ANGPT4: variants seen among roughly 807,000 people sequenced by gnomAD.
The protein encoded by ANGPT4 is angiopoietin 4.
Under a neutral mutation model 53.0 loss-of-function variants are expected in ANGPT4, and 50 were observed. The observed-to-expected ratio is 0.94, with a 90% CI of 0.75 to 1.20. ANGPT4 has a LOEUF of 1.20. ANGPT4 is among the 50% of genes most tolerant of loss of function. The probability of loss-of-function intolerance (pLI) is 0.00; values close to 1 mark genes in which losing one functional copy is unlikely to be tolerated. For missense variants in ANGPT4, 648 were observed against 637.1 expected (o/e 1.02, Z -0.18); for synonymous variants, 251 against 259.7 (o/e 0.97, Z 0.32).
In ANGPT4 at chr20:916,017, G is replaced by T. The variant is rs1238760618; in HGVS notation, c.198C>A (p.Asn66Lys). 1 of 1,614,092 alleles carries T rather than the reference G, an allele frequency of 6.2e-7. No individual in the cohort carries two copies. Among genetic ancestry groups the T allele is most frequent in the Admixed American group, 1.7e-5 (1 of 60,010 alleles). Residue 66 changes from asparagine (N) to lysine (K), a missense_variant, in exon 1 of 9, where the codon AAC becomes AAA. Coordinates refer to ENST00000381922, the MANE Select transcript of ANGPT4 (RefSeq NM_015985.4). ...TGGCCAGTGATTCTCTCTGGAGGGTGTTGGAGTCCCTGGAGACCTCAGGCC... is the reference window on the plus strand; with the variant it reads ...TGGCCAGTGATTCTCTCTGGAGGGTTTTGGAGTCCCTGGAGACCTCAGGCC... ...PPGPEVSRDS[N>K]TLQRESLANP...
rs1291663407 is a variant in ANGPT4 at position 872,690 on chromosome 20, C to T, written c.*270G>A. ...TCAGCCCATTCAAGGTACTGTGACCCTCAGGCAGGGAGCCCCTGAAGGGGG... is the reference window on the plus strand; with the variant it reads ...TCAGCCCATTCAAGGTACTGTGACCTTCAGGCAGGGAGCCCCTGAAGGGGG... On this transcript the variant is annotated 3_prime_UTR_variant, in exon 9 of 9. Coordinates refer to ENST00000381922, the MANE Select transcript of ANGPT4 (RefSeq NM_015985.4). The T allele has an allele frequency of 3.7e-5, 17 of 464,574 alleles. No individual in the cohort carries two copies. The highest frequency in any genetic ancestry group is 1.8e-4 in the Admixed American group (5 of 28,362). 28.8% of individuals were successfully genotyped at this position (464,574 alleles called of 1,614,324 possible).
chr20:902,357 G>T (rs6039134), intron 1 of ANGPT4, among the ~76,000 whole-genome samples: 60,331 of 151,864 alleles, frequency 0.4, 15,380 homozygotes, highest in African/African-American at 0.73. Flanking sequence ...AAAAGGACAT[G>T]CTTTTCCCAC....
chr20:913,027 A>G (rs193090621), intron 1 of ANGPT4, among the ~76,000 whole-genome samples: 3 of 152,202 alleles, frequency 2.0e-5, no homozygotes, highest in Admixed American at 6.5e-5. Context: ...GCACAGGCTG[A>G]GCAGATGATG....
chr20:901,589 C>T (rs539802462), intron 1 of ANGPT4, among the ~76,000 whole-genome samples: 28 of 152,256 alleles, frequency 1.8e-4, no homozygotes, highest in East Asian at 5.8e-4. Flanking sequence ...TTCACACGGA[C>T]GCACGTGACA....
At chr20:906,812 T>A (rs6086418) in intron 1 of ANGPT4, among the ~76,000 whole-genome samples, 17,234 of 152,204 alleles carry the variant, frequency 0.11, 1,070 homozygotes, top group South Asian at 0.18. Context: ...GACATACTAT[T>A]GCTTTTCTTC....
chr20:895,872 T>G (rs1167644603), intron 1 of ANGPT4, among the ~76,000 whole-genome samples: 1 of 151,938 alleles, frequency 6.6e-6, no homozygotes, highest in Non-Finnish European at 1.5e-5. Flanking sequence ...GAATCTGTGA[T>G]TGCCAGGGCC....
In ANGPT4 at chr20:888,303, A is replaced by C. The variant is rs548545606; in HGVS notation, c.587+15T>G. ...CCAGCCCCTGTCCTAGTCTGGTGCCAGGTGCCACACCCACCTGTTTTGGCC... is the reference window on the plus strand; with the variant it reads ...CCAGCCCCTGTCCTAGTCTGGTGCCCGGTGCCACACCCACCTGTTTTGGCC... On this transcript the variant is annotated intron_variant, in intron 3 of 8. Transcript: ENST00000381922. 2.0e-5 allele frequency: 33 copies of C among 1,610,164 alleles called. 2 individuals carry two copies. Among genetic ancestry groups the C allele is most frequent in the South Asian group, 1.2e-4 (11 of 90,586 alleles).
Position 872,130 on chromosome 20 carries a change from T to C in ANGPT4, c.*830A>G, listed in dbSNP as rs1170420707. 2 of 152,184 alleles carry C rather than the reference T, an allele frequency of 1.3e-5. No homozygotes were observed. The highest frequency in any genetic ancestry group is 6.5e-5 in the Admixed American group (1 of 15,284). 9.4% of individuals were successfully genotyped at this position (152,184 alleles called of 1,614,324 possible). ...TGGGTAGTCACAAGGCACTTGGCCA[T>C]ATTAAAGGCTCTGATCAGTCCTGCA... On this transcript the variant is annotated 3_prime_UTR_variant, in exon 9 of 9. Coordinates refer to ENST00000381922, the MANE Select transcript of ANGPT4 (RefSeq NM_015985.4).
At chr20:902,367 C>A (rs1184900415) in intron 1 of ANGPT4, among the ~76,000 whole-genome samples, 1 of 152,138 alleles carries the variant, frequency 6.6e-6, no homozygotes, top group African/African-American at 2.4e-5. Flanking sequence ...GCTTTTCCCA[C>A]TAGTCTCTAA....
Position 911,566 on chromosome 20 carries a change from TCAGAGA to T in ANGPT4, c.309+4334_309+4339del, listed in dbSNP as rs936753086. 5.5e-4 allele frequency among the ~76,000 whole-genome samples: 84 copies of T among 151,672 alleles called. 1 individual carries two copies. Among genetic ancestry groups the T allele is most frequent in the African/African-American group, 2.0e-3 (81 of 41,272 alleles). ...TTTGATAGCCAACCAGGAGAGAGAA[TCAGAGA>T]CAGAGACACCCACAGAGTTAGCAAC... On this transcript the variant is annotated intron_variant, in intron 1 of 8. Coordinates refer to ENST00000381922, the MANE Select transcript of ANGPT4 (RefSeq NM_015985.4). This position sits in a 1 kb window ranked among gnomAD's most constrained non-coding sequence, Gnocchi z 4.9.
intron 4 of ANGPT4, among the ~76,000 whole-genome samples, chr20:884,062 C>G (rs1600047430): frequency 1.3e-5 from 2 of 152,314 alleles, no homozygotes; most frequent in Admixed American, 6.5e-5. Flanking sequence ...CAGCCTTCCA[C>G]TATGGATCCA....
chr20:873,316 T>A (rs1568818636), intron 8 of ANGPT4, among the ~76,000 whole-genome samples, 196 bp from the exon 9 acceptor site: 1 of 152,054 alleles, frequency 6.6e-6, no homozygotes, highest in Non-Finnish European at 1.5e-5. Flanking sequence ...CCGGGGCCTC[T>A]AGAGGGCAGC....
rs1245243125 is a variant in ANGPT4 at position 908,736 on chromosome 20, AAACT to A, written c.309+7166_309+7169del. 6.1e-5 allele frequency among the ~76,000 whole-genome samples: 9 copies of A among 147,804 alleles called. No homozygotes were observed. Among genetic ancestry groups the A allele is most frequent in the African/African-American group, 1.7e-4 (7 of 40,458 alleles). On this transcript the variant is annotated intron_variant, in intron 1 of 8. Coordinates refer to ENST00000381922, the MANE Select transcript of ANGPT4 (RefSeq NM_015985.4). The surrounding 1 kb of genome is among the most constrained non-coding windows in gnomAD (Gnocchi z 4.9). ...GCAGGAATGAATATTCTTACCTGAC[AAACT>A]AAGTTCAGAGTTGTGTATACACATT...
intron 1 of ANGPT4, 98 bp from the exon 2 acceptor site, chr20:890,466 A>T: frequency 1.7e-6 from 2 of 1,150,860 alleles, no homozygotes; most frequent in Non-Finnish European, 2.4e-6. Flanking sequence ...CAGCCACTTG[A>T]GGCCTCCCTG....
chr20:885,275 A>C lies in ANGPT4; in HGVS notation c.638T>G (p.Leu213Arg). ...QALETKQQEELASILSKKAKL... is the reference protein window; with the variant it reads ...QALETKQQEERASILSKKAKL... ...CGCCTTCTTGCTGAGGATGCTGGCCAGCTCCTCCTGCTGCTTGGTCTCCAG... is the reference window on the plus strand; with the variant it reads ...CGCCTTCTTGCTGAGGATGCTGGCCCGCTCCTCCTGCTGCTTGGTCTCCAG... Residue 213 changes from leucine (L) to arginine (R), a missense_variant, in exon 4 of 9, where the codon CTG (leucine) becomes CGG (arginine). Transcript: ENST00000381922. 6.3e-7 allele frequency: 1 copy of C among 1,582,860 alleles called. No individual in the cohort carries two copies. The highest frequency in any genetic ancestry group is 1.8e-4 in the Middle Eastern group (1 of 5,558).
chr20:878,374 C>A, intron 6 of ANGPT4, 47 bp from the exon 7 acceptor site: 1 of 1,554,680 alleles, frequency 6.4e-7, no homozygotes, highest in Non-Finnish European at 8.8e-7. Flanking sequence ...AGGAGGAGGC[C>A]ATGTCCCTGG....
chr20:888,442 G>C lies in ANGPT4; in HGVS notation c.466-3C>G. 2.5e-6 allele frequency: 4 copies of C among 1,610,160 alleles called. No homozygotes were observed. The highest frequency in any genetic ancestry group is 2.2e-5 in the South Asian group (2 of 90,938). The stretch of plus-strand genomic sequence containing the variant: ...ATTCTTGATGTCTGGTTCAGGAGCT[G>C]CCCCAGCAAGCAGAAGCAGGTAGGG... On this transcript the variant is annotated splice_region_variant and splice_polypyrimidine_tract_variant and intron_variant, in intron 2 of 8. Transcript: ENST00000381922.
intron 7 of ANGPT4, among the ~76,000 whole-genome samples, chr20:875,347 C>T (rs1981123632): frequency 6.6e-6 from 1 of 152,212 alleles, no homozygotes; most frequent in Non-Finnish European, 1.5e-5. Flanking sequence ...CTACACCAGC[C>T]CCCATGGATC....
chr20:909,100 C>T (rs1600065259), intron 1 of ANGPT4, among the ~76,000 whole-genome samples: 1 of 152,286 alleles, frequency 6.6e-6, no homozygotes, highest in East Asian at 1.9e-4. Flanking sequence ...TCACCTCCCT[C>T]ACTTCTTAGC....
Sources: allele counts gnomAD v4.1 joint callset (sites outside exome capture counted in the v4.1 genomes callset), GRCh38; gene constraint gnomAD v4.1.1; non-coding constraint Gnocchi (gnomAD v3.1); transcripts MANE v1.5; gene names NCBI Gene and HGNC (gene_info 2026-07-23, HGNC 2026-07-21).